Variants in CORO2B observed in about 807,000 individuals in gnomAD.
CORO2B encodes coronin-2B.
Under a neutral mutation model 58.8 loss-of-function variants are expected in CORO2B, and 26 were observed. That is an observed-to-expected ratio of 0.44 (90% CI 0.32 to 0.61). The LOEUF (loss-of-function observed/expected upper bound fraction) is 0.61. Among genes scored for constraint, CORO2B ranks in the 20% least tolerant of loss-of-function variants. CORO2B has a pLI of 0.04. For missense variants in CORO2B, 460 were observed against 645.1 expected, an observed-to-expected ratio of 0.71 and a Z score of 3.11; for synonymous variants, 242 against 253.8, an observed-to-expected ratio of 0.95 and a Z score of 0.44.
intron 1 of CORO2B, chr15:68,632,379 G>A: frequency 1.0e-6 from 1 of 985,452 alleles, no homozygotes; most frequent in Non-Finnish European, 1.2e-6. Flanking sequence ...GCTCGGTCCA[G>A]TAGAGTTGTG....
At chr15:68,712,995 G>A (rs7183063) in intron 5 of CORO2B, among the ~76,000 whole-genome samples, 133,303 of 152,096 alleles carry the variant, frequency 0.88, 59,713 homozygotes, top group South Asian at 0.97. Flanking sequence ...TTCAGAGTGT[G>A]TGACGCCAGC....
chr15:68,642,342 G>A (rs12911725), intron 1 of CORO2B, among the ~76,000 whole-genome samples: 27,926 of 152,136 alleles, frequency 0.18, 3,081 homozygotes, highest in Non-Finnish European at 0.25. Context: ...TGTACCCCAG[G>A]GAGAGCCTGC....
intron 1 of CORO2B, among the ~76,000 whole-genome samples, chr15:68,587,394 G>A (rs1899595753): frequency 6.6e-6 from 1 of 152,170 alleles, no homozygotes; most frequent in Non-Finnish European, 1.5e-5. Context: ...ACCCTGGGTA[G>A]GTGCTCATGC....
the CORO2B span, among the ~76,000 whole-genome samples, chr15:68,536,388 T>C: frequency 6.6e-6 from 1 of 152,230 alleles, no homozygotes; most frequent in Non-Finnish European, 1.5e-5. Flanking sequence ...GTAGGAATCT[T>C]ATGTGACTTT....
At chr15:68,712,776 C>T (rs537886427) in intron 5 of CORO2B, among the ~76,000 whole-genome samples, 5 of 152,184 alleles carry the variant, frequency 3.3e-5, no homozygotes, top group African/African-American at 7.2e-5. Context: ...TCATGTGATA[C>T]GTGAGAACAC....
At chr15:68,525,233 A>G in the CORO2B span, among the ~76,000 whole-genome samples, 31 of 152,262 alleles carry the variant, frequency 2.0e-4, 1 homozygote, top group Non-Finnish European at 4.0e-4. Flanking sequence ...AATTGAAGCC[A>G]GTTCTGAAAT....
the CORO2B span, among the ~76,000 whole-genome samples, chr15:68,554,160 G>A: frequency 6.6e-6 from 1 of 152,144 alleles, no homozygotes; most frequent in South Asian, 2.1e-4. Flanking sequence ...TGGGGAGACA[G>A]AGAGGAACCA....
chr15:68,704,378 A>T (rs936465197), intron 3 of CORO2B, among the ~76,000 whole-genome samples: 5 of 152,078 alleles, frequency 3.3e-5, no homozygotes, highest in Admixed American at 6.6e-5. Context: ...TATACATTTT[A>T]TCTTTACTTA....
intron 2 of CORO2B, among the ~76,000 whole-genome samples, chr15:68,659,912 T>C (rs1330437517): frequency 6.6e-6 from 1 of 151,786 alleles, no homozygotes; most frequent in Non-Finnish European, 1.5e-5. Context: ...GAGACTGTGT[T>C]TCAAAAAACA....
intron 2 of CORO2B, among the ~76,000 whole-genome samples, chr15:68,679,298 A>G (rs1902697056): frequency 6.6e-6 from 1 of 152,204 alleles, no homozygotes; most frequent in Non-Finnish European, 1.5e-5. Flanking sequence ...CAGAGCTGGA[A>G]GGGCCCTGAT....
At chr15:68,557,860 T>C in the CORO2B span, among the ~76,000 whole-genome samples, 2 of 152,156 alleles carry the variant, frequency 1.3e-5, no homozygotes, top group Admixed American at 1.3e-4. Context: ...GTGCAGCAAA[T>C]GACAGGCATG....
intron 2 of CORO2B, among the ~76,000 whole-genome samples, chr15:68,676,785 T>C (rs1238842165): frequency 6.6e-6 from 1 of 152,098 alleles, no homozygotes; most frequent in Admixed American, 6.5e-5. Context: ...ATTATTTTTT[T>C]TTTTAAGACA....
intron 2 of CORO2B, among the ~76,000 whole-genome samples, chr15:68,663,941 T>G (rs1326762605): frequency 6.6e-6 from 1 of 152,178 alleles, no homozygotes; most frequent in African/African-American, 2.4e-5. Context: ...ACCAGGAAGA[T>G]GAAAATTAAA....
At chr15:68,647,984 C>T (rs796213945) in intron 2 of CORO2B, among the ~76,000 whole-genome samples, 58 of 141,096 alleles carry the variant, frequency 4.1e-4, no homozygotes, top group African/African-American at 1.5e-3. Flanking sequence ...GCTATGATCA[C>T]TCCCCTGCAC....
chr15:68,579,436 C>T (rs538577850), intron 1 of CORO2B, among the ~76,000 whole-genome samples, 159 bp downstream of exon 1: 2 of 152,002 alleles, frequency 1.3e-5, no homozygotes, highest in African/African-American at 4.8e-5. Context: ...CGAGTCACTC[C>T]GGCCCCCAAG....
intron 3 of CORO2B, among the ~76,000 whole-genome samples, chr15:68,706,190 T>C (rs115822260): frequency 0.025 from 3,784 of 152,238 alleles, 168 homozygotes; most frequent in African/African-American, 0.087. Context: ...CCGTGCAGGT[T>C]CCCTACCTGC....
the CORO2B span, among the ~76,000 whole-genome samples, chr15:68,531,500 A>AAAAGGAAGG: frequency 8.8e-6 from 1 of 113,784 alleles, no homozygotes; most frequent in African/African-American, 3.7e-5. Context: ...GTATCTCAAA[A>AAAAGGAAGG]AAGGAAGGAA....
In CORO2B at chr15:68,637,581, G is replaced by A. The variant is rs77326114; in HGVS notation, c.16-7579G>A. 2.8e-3 allele frequency among the ~76,000 whole-genome samples: 420 copies of A among 152,326 alleles called. 3 individuals carry two copies. Among genetic ancestry groups the A allele is most frequent in the African/African-American group, 9.9e-3 (410 of 41,568 alleles). ...ATCACAGAAGAGGACACTGAGCCTG[G>A]AGAAGGAAGGCGGCTTGTCCCAGGT... On this transcript the variant is annotated intron_variant, in intron 1 of 11. Coordinates refer to ENST00000261861, the MANE Select transcript of CORO2B (RefSeq NM_006091.5).
intron 5 of CORO2B, among the ~76,000 whole-genome samples, chr15:68,712,253 G>A (rs148480279): frequency 1.4e-4 from 21 of 152,254 alleles, no homozygotes; most frequent in Non-Finnish European, 2.2e-4. Context: ...GAGATGGAAT[G>A]GAAAATATGG....
Sources: allele counts gnomAD v4.1 joint callset (sites outside exome capture counted in the v4.1 genomes callset), GRCh38; gene constraint gnomAD v4.1.1; transcripts MANE v1.5; gene names NCBI Gene and HGNC (gene_info 2026-07-23, HGNC 2026-07-21).